The following MEGF8 variants were observed in gnomAD, a reference collection of about 807,000 sequenced individuals.
MEGF8 encodes the protein multiple epidermal growth factor-like domains protein 8.
Under a neutral mutation model 302.9 loss-of-function variants are expected in MEGF8, and 156 were observed. The observed-to-expected ratio is 0.52, with a 90% CI of 0.45 to 0.59. The LOEUF is 0.59. Among genes scored for constraint, MEGF8 ranks in the 20% least tolerant of loss-of-function variants. MEGF8 has a pLI of 0.00. For missense variants in MEGF8, 3,345 were observed against 3,964.5 expected, an observed-to-expected ratio of 0.84 and a Z score of 4.20; for synonymous variants, 1,621 against 1,660.5, an observed-to-expected ratio of 0.98 and a Z score of 0.58.
In MEGF8 at chr19:42,351,347, G is replaced by C. The variant is rs2039369187; in HGVS notation, c.2855+13G>C. On this transcript the variant is annotated intron_variant, in intron 16 of 41. Coordinates refer to ENST00000251268, the MANE Select transcript of MEGF8 (RefSeq NM_001271938.2). This position sits in a 1 kb window ranked among gnomAD's most constrained non-coding sequence, Gnocchi z 5.6. ...CGCTCTGCAGCCAGTGAGTCAGGCT[G>C]GGTGCAGGGAGTGGGTGGGTGGATG... is the stretch of plus-strand genomic sequence containing the variant. The C allele has an allele frequency of 1.3e-6, 2 of 1,567,966 alleles. No homozygotes were observed. The highest frequency in any genetic ancestry group is 4.7e-5 in the East Asian group (2 of 42,454).
rs1332162102 is a variant in MEGF8, at chr19:42,358,740, A to C, written c.5176-47A>C. ...GTCTTGGAGGCAGGGGGCTAGAAGC[A>C]AGAGACTCGAGGAGCCTCAACCCCA... On this transcript the variant is annotated intron_variant, in intron 29 of 41. Transcript: ENST00000251268. The surrounding 1 kb of genome is among the most constrained non-coding windows in gnomAD (Gnocchi z 4.4). 6.8e-7 allele frequency: 1 copy of C among 1,470,482 alleles called. No individual in the cohort carries two copies. The highest frequency in any genetic ancestry group is 9.0e-7 in the Non-Finnish European group (1 of 1,110,216). 91.1% of individuals were successfully genotyped at this position (1,470,482 alleles called of 1,614,324 possible).
rs1314390490 is a variant in MEGF8 at position 42,370,353 on chromosome 19, A to G, written c.6999A>G (p.Pro2333=). ...KGEPKKYSLD[P]EEIENWVTEG... ...AGCCAAAGAAGTACTCACTGGACCC[A>G]GAGGAGGTGAAAGAGAGGGGTCAGA... The change falls in exon 39 of 42, where the codon CCA becomes CCG. Residue 2333 remains proline (P), a synonymous_variant. Coordinates refer to ENST00000251268, the MANE Select transcript of MEGF8 (RefSeq NM_001271938.2). 6.4e-7 allele frequency: 1 copy of G among 1,572,980 alleles called. No homozygotes were observed. The highest frequency in any genetic ancestry group is 8.6e-7 in the Non-Finnish European group (1 of 1,158,962).
chr19:42,375,563 C>T lies in MEGF8; in HGVS notation c.7326C>T (p.Tyr2442=), dbSNP rs369521038. ...HGSPLGGQQC[Y]RLISVEQECC... The stretch of plus-strand genomic sequence containing the variant: ...GTCCGCTGGGCGGCCAGCAGTGCTA[C>T]CGCCTCATCTCGGTGGAGCAGGAGT... The change falls in exon 42 of 42, where the codon TAC becomes TAT. Residue 2442 remains tyrosine (Y), a synonymous_variant. Coordinates refer to ENST00000251268, the MANE Select transcript of MEGF8 (RefSeq NM_001271938.2). This position sits in a 1 kb window ranked among gnomAD's most constrained non-coding sequence, Gnocchi z 7.1. The T allele has an allele frequency of 5.0e-6, 8 of 1,596,146 alleles. No individual in the cohort carries two copies. Among genetic ancestry groups the T allele is most frequent in the African/African-American group, 4.0e-5 (3 of 74,534 alleles).
Position 42,369,354 on chromosome 19 carries a change from G to A in MEGF8, c.6642-177G>A, listed in dbSNP as rs190883375. On this transcript the variant is annotated intron_variant, in intron 37 of 41. Coordinates refer to ENST00000251268, the MANE Select transcript of MEGF8 (RefSeq NM_001271938.2). The surrounding 1 kb of genome is among the most constrained non-coding windows in gnomAD (Gnocchi z 5.7). Reference sequence around the variant, plus strand: ...TAGGGTACCCTCAAAAGAGGAGAGAGGGTTGTGGGCTACACCTGGAGGGGG... The same window carrying A: ...TAGGGTACCCTCAAAAGAGGAGAGAAGGTTGTGGGCTACACCTGGAGGGGG... Among the ~76,000 whole-genome samples the A allele has an allele frequency of 2.6e-5, 4 of 152,232 alleles. No homozygotes were observed. The East Asian group carries it at 7.7e-4, about 29-fold the overall frequency.
rs753677627 is a variant in MEGF8, at chr19:42,356,088, G to C, written c.4398G>C (p.Leu1466=). 1.2e-5 allele frequency: 19 copies of C among 1,589,056 alleles called. No individual in the cohort carries two copies. Among genetic ancestry groups the C allele is most frequent in the Non-Finnish European group, 8.6e-7 (1 of 1,165,070 alleles). Residue 1466 remains leucine (L), a synonymous_variant, in exon 25 of 42, where the codon CTG becomes CTC. Transcript: ENST00000251268. This position sits in a 1 kb window ranked among gnomAD's most constrained non-coding sequence, Gnocchi z 5.2. ...HTGAGTCNQS[L]GVCICAEGFG... is the part of the protein sequence containing the mutation. ...AGTCCCTTGTCATCCCCCAGAGCCT[G>C]GGTGTGTGCATCTGTGCCGAGGGCT...
Position 42,356,245 on chromosome 19 carries a change from C to T in MEGF8, c.4503+52C>T. 1 of 1,521,222 alleles carries T rather than the reference C, an allele frequency of 6.6e-7. No homozygotes were observed. The highest frequency in any genetic ancestry group is 2.4e-5 in the East Asian group (1 of 41,018). 94.2% of individuals were successfully genotyped at this position (1,521,222 alleles called of 1,614,324 possible). A position where few individuals can be genotyped will look rare whatever the true frequency, so the allele number is the denominator to read the frequency against. ...GGATGGTTGCTCCCAGGTCGTTCTC[C>T]CACCTCCATTCCTGGGACCACCCCT... is the stretch of plus-strand genomic sequence containing the variant. On this transcript the variant is annotated intron_variant, in intron 25 of 41. Transcript: ENST00000251268. The surrounding 1 kb of genome is among the most constrained non-coding windows in gnomAD (Gnocchi z 5.2).
chr19:42,333,498 C>T, intron 1 of MEGF8, 107 bp from the exon 2 acceptor site: 1 of 1,273,998 alleles, frequency 7.8e-7, no homozygotes, highest in Admixed American at 2.2e-5. Flanking sequence ...TTCTTGAGCC[C>T]CCAGCATCAC....
intron 41 of MEGF8, among the ~76,000 whole-genome samples, chr19:42,373,709 T>TTG (rs2039725604): frequency 7.0e-6 from 1 of 143,406 alleles, no homozygotes; most frequent in African/African-American, 2.6e-5. Context: ...CTTTTGGGTT[T>TTG]TTTTTTTTTT....
At chr19:42,340,088 A>T (rs1413165239) in intron 8 of MEGF8, among the ~76,000 whole-genome samples, 6 of 152,124 alleles carry the variant, frequency 3.9e-5, no homozygotes, top group African/African-American at 1.4e-4. Flanking sequence ...CTATTACTTA[A>T]TCTCTGTGCC....
At position 42,360,398 on chromosome 19, in the gene MEGF8, T is replaced by C. The variant is rs186768232; in HGVS notation, c.5489-377T>C. Reference sequence around the variant, plus strand: ...TCTTGTTCTGTTGCCCAGGCTGGAGTGCAGTGGTGCAATCTCAGCTCACTG... The same window carrying C: ...TCTTGTTCTGTTGCCCAGGCTGGAGCGCAGTGGTGCAATCTCAGCTCACTG... On this transcript the variant is annotated intron_variant, in intron 31 of 41. Transcript: ENST00000251268. Among the ~76,000 whole-genome samples, 324 of 149,746 alleles carry C rather than the reference T, an allele frequency of 2.2e-3. 1 individual carries two copies. The highest frequency in any genetic ancestry group is 7.5e-3 in the African/African-American group (305 of 40,546).
Position 42,348,447 on chromosome 19 carries a change from C to T in MEGF8, c.2273C>T (p.Ala758Val). The stretch of plus-strand genomic sequence containing the variant: ...CGCCTACACGTCCTGGCCCGGATGG[C>T]CCGTGGCCCTGACACGGAGAACATG... ...AQRLHVLARM[A>V]RGPDTENMEE... Residue 758 changes from alanine (A) to valine (V), a missense_variant, in exon 13 of 42, where the codon GCC (alanine) becomes GTC (valine). Ala to Val is a moderately conservative substitution (Grantham distance 64). Transcript: ENST00000251268. 1.3e-6 allele frequency: 2 copies of T among 1,525,688 alleles called. No individual in the cohort carries two copies. The highest frequency in any genetic ancestry group is 2.5e-5 in the East Asian group (1 of 40,634). 94.5% of individuals were successfully genotyped at this position (1,525,688 alleles called of 1,614,324 possible).
At chr19:42,370,543 G>T in intron 39 of MEGF8, 158 bp from the exon 40 acceptor site, 1 of 937,182 alleles carries the variant, frequency 1.1e-6, no homozygotes, top group Non-Finnish European at 1.6e-6. Flanking sequence ...GAGGGAAGAG[G>T]AGCTGGGGCC....
Position 42,358,040 on chromosome 19 carries a change from C to G in MEGF8, c.5012-104C>G. 1 of 1,186,990 alleles carries G rather than the reference C, an allele frequency of 8.4e-7. No homozygotes were observed. The highest frequency in any genetic ancestry group is 1.8e-5 in the South Asian group (1 of 54,560). The allele number at this position is 1,186,990 out of a possible 1,614,324, so 73.5% of individuals were successfully genotyped here. On this transcript the variant is annotated intron_variant, in intron 28 of 41. Coordinates refer to ENST00000251268, the MANE Select transcript of MEGF8 (RefSeq NM_001271938.2). The surrounding 1 kb of genome is among the most constrained non-coding windows in gnomAD (Gnocchi z 4.4). ...AGAGGGGCTCCCAGGCCTCCAGTCT[C>G]AGGGCCGGGGAAGGGAGTGGTCACC... is the stretch of plus-strand genomic sequence containing the variant.
intron 23 of MEGF8, 59 bp from the exon 24 acceptor site, chr19:42,355,699 G>T (rs1216273298): frequency 4.0e-6 from 6 of 1,492,768 alleles, no homozygotes; most frequent in Non-Finnish European, 5.4e-6. Flanking sequence ...TTAGCATCTG[G>T]GGGTGGAAGG....
At chr19:42,335,260 C>CT in intron 4 of MEGF8, 37 bp from the exon 5 acceptor site, 1 of 1,613,886 alleles carries the variant, frequency 6.2e-7, no homozygotes, top group Non-Finnish European at 8.5e-7. Flanking sequence ...GCCCGGCAGC[C>CT]TATGGCCAGG....
chr19:42,369,673 G>A lies in MEGF8; in HGVS notation c.6784G>A (p.Ala2262Thr), dbSNP rs780296443. The A allele has an allele frequency of 7.4e-6, 12 of 1,612,564 alleles. No homozygotes were observed. The highest frequency in any genetic ancestry group is 1.7e-4 in the Middle Eastern group (1 of 6,012). ...CCGCTGCAACCGCCACAGTGAATGC[G>A]CTGGTGTTGGGGCGCGTGACCACTG... ...ECRCNRHSEC[A>T]GVGARDHCLL... Residue 2262 changes from alanine to threonine, a missense_variant, in exon 38 of 42, where the codon GCT becomes ACT. By Grantham distance (58) the Ala-to-Thr change is moderately conservative (BLOSUM62 0). Transcript: ENST00000251268. The surrounding 1 kb of genome is among the most constrained non-coding windows in gnomAD (Gnocchi z 5.7).
intron 15 of MEGF8, 24 bp downstream of exon 15, chr19:42,350,408 G>A: frequency 6.8e-7 from 1 of 1,477,348 alleles, no homozygotes; most frequent in South Asian, 1.3e-5. Context: ...CACCAGGGGA[G>A]GTCACAAGGT....
In MEGF8 at chr19:42,360,824, G is replaced by C. The variant is rs1180453007; in HGVS notation, c.5538G>C (p.Val1846=). The C allele has an allele frequency of 2.5e-6, 4 of 1,607,372 alleles. No individual in the cohort carries two copies. Among genetic ancestry groups the C allele is most frequent in the Non-Finnish European group, 3.4e-6 (4 of 1,177,594 alleles). Reference sequence around the variant, plus strand: ...TGGAGGAGTCTGTGGCCCATGCTGTGGCAGCAGTCGGGAGCCGCCTGTATA... The same window carrying C: ...TGGAGGAGTCTGTGGCCCATGCTGTCGCAGCAGTCGGGAGCCGCCTGTATA... ...PPMEESVAHA[V]AAVGSRLYIS... The change falls in exon 32 of 42, where the codon GTG becomes GTC. Residue 1846 remains valine, a synonymous_variant. Transcript: ENST00000251268.
chr19:42,335,136 C>G lies in MEGF8; in HGVS notation c.660C>G (p.Ala220=). The change falls in exon 4 of 42, where the codon GCC becomes GCG. Residue 220 remains alanine (A), a synonymous_variant. Transcript: ENST00000251268. The stretch of plus-strand genomic sequence containing the variant: ...CTGGGTGGTGGCACAACGTGAGTGC[C>G]AGGGACCCTGCCTTCTCTGCCCGTA... ...QGAGWWHNVS[A]RDPAFSARIG... The G allele has an allele frequency of 6.2e-7, 1 of 1,613,950 alleles. No homozygotes were observed. The highest frequency in any genetic ancestry group is 8.5e-7 in the Non-Finnish European group (1 of 1,179,880).
Sources: allele counts gnomAD v4.1 joint callset (sites outside exome capture counted in the v4.1 genomes callset), GRCh38; gene constraint gnomAD v4.1.1; non-coding constraint Gnocchi (gnomAD v3.1); transcripts MANE v1.5; gene names NCBI Gene and HGNC (gene_info 2026-07-23, HGNC 2026-07-21).